The following HCN1 variants were observed in gnomAD, a reference collection of about 807,000 sequenced individuals.
The protein encoded by HCN1 is hyperpolarization activated cyclic nucleotide gated potassium channel 1, also known as potassium/sodium hyperpolarization-activated cyclic nucleotide-gated channel 1.
HCN1 carries 13 observed loss-of-function variants against 78.9 expected under a neutral mutation model. That is an observed-to-expected ratio of 0.16 (90% CI 0.11 to 0.26). The LOEUF is 0.26. HCN1 is among the 10% of genes least tolerant of loss of function. The pLI, the probability that HCN1 is intolerant of heterozygous loss-of-function variation, is 1.00. For synonymous variants in HCN1, 552 were observed against 455.5 expected (o/e 1.21, Z -2.70); for missense variants, 810 against 1,154.3 (o/e 0.70, Z 4.32).
intron 4 of HCN1, among the ~76,000 whole-genome samples, chr5:45,371,347 TG>T (rs1213636638): frequency 1.5e-4 from 23 of 151,784 alleles, no homozygotes; most frequent in Admixed American, 4.0e-4. Flanking sequence ...GTTGGTTCCT[TG>T]AAAAAATTAA....
chr5:45,632,889 G>A (rs746016221), intron 2 of HCN1, among the ~76,000 whole-genome samples: 2 of 152,000 alleles, frequency 1.3e-5, no homozygotes, highest in Admixed American at 1.3e-4. Context: ...GACAAGTGAA[G>A]CATTTTGAAT....
At chr5:45,371,433 A>G (rs1747355454) in intron 4 of HCN1, among the ~76,000 whole-genome samples, 1 of 151,842 alleles carries the variant, frequency 6.6e-6, no homozygotes, top group African/African-American at 2.4e-5. Context: ...TTCAACAATG[A>G]CAAAGGGGAT....
intron 2 of HCN1, among the ~76,000 whole-genome samples, chr5:45,469,522 T>C (rs1415148723): frequency 2.0e-5 from 3 of 152,034 alleles, no homozygotes; most frequent in Admixed American, 1.3e-4. Context: ...ACATATCTTA[T>C]GATGGATCTT....
At chr5:45,322,023 G>T (rs963031950) in intron 5 of HCN1, among the ~76,000 whole-genome samples, 2 of 151,842 alleles carry the variant, frequency 1.3e-5, no homozygotes, top group Non-Finnish European at 2.9e-5. Flanking sequence ...AAACAAATGA[G>T]ATCTTGAGGC....
chr5:45,599,940 GACA>G (rs1244868484), intron 2 of HCN1, among the ~76,000 whole-genome samples: 1 of 151,914 alleles, frequency 6.6e-6, no homozygotes, highest in African/African-American at 2.4e-5. Context: ...ACCACACAGA[GACA>G]ACAAGCTTAG....
intron 1 of HCN1, among the ~76,000 whole-genome samples, chr5:45,658,580 C>A (rs1745838489): frequency 6.6e-6 from 1 of 151,908 alleles, no homozygotes; most frequent in Non-Finnish European, 1.5e-5. Flanking sequence ...ACAGTGGGCG[C>A]AGGCCAGTGT....
chr5:45,570,653 A>G (rs1474364099), intron 2 of HCN1, among the ~76,000 whole-genome samples: 2 of 152,178 alleles, frequency 1.3e-5, no homozygotes, highest in Non-Finnish European at 1.5e-5. Flanking sequence ...TTTAAACTGG[A>G]TAGTTGATCT....
At chr5:45,291,122 C>A (rs143168665) in intron 6 of HCN1, among the ~76,000 whole-genome samples, 20 of 152,066 alleles carry the variant, frequency 1.3e-4, no homozygotes, top group African/African-American at 4.8e-4. Flanking sequence ...TTTGTTATCA[C>A]CAATAGCTTA....
intron 1 of HCN1, among the ~76,000 whole-genome samples, chr5:45,651,255 GA>G (rs1396015486): frequency 6.6e-6 from 1 of 151,762 alleles, no homozygotes; most frequent in Admixed American, 6.6e-5. Context: ...AAATGCTTTT[GA>G]TAACTTCTCA....
intron 4 of HCN1, among the ~76,000 whole-genome samples, chr5:45,383,825 A>G (rs184953834): frequency 6.6e-6 from 1 of 152,148 alleles, no homozygotes; most frequent in Non-Finnish European, 1.5e-5. Flanking sequence ...TTTTTTCCAC[A>G]ATATTTTAAT....
chr5:45,320,062 A>G (rs1229465815), intron 5 of HCN1, among the ~76,000 whole-genome samples: 1 of 151,874 alleles, frequency 6.6e-6, no homozygotes, highest in Non-Finnish European at 1.5e-5. Flanking sequence ...TCATAGAGTA[A>G]TCTTAACAAA....
chr5:45,392,478 C>T (rs143471474), intron 4 of HCN1, among the ~76,000 whole-genome samples: 9 of 152,116 alleles, frequency 5.9e-5, no homozygotes, highest in Non-Finnish European at 1.0e-4. Context: ...ACATATTACT[C>T]CTTTGTATAG....
At chr5:45,612,442 G>A (rs922944697) in intron 2 of HCN1, among the ~76,000 whole-genome samples, 3 of 152,082 alleles carry the variant, frequency 2.0e-5, no homozygotes, top group Non-Finnish European at 4.4e-5. Flanking sequence ...CATTTATAAT[G>A]ACAGCCAACA....
At chr5:45,334,996 G>A (rs1241161861) in intron 5 of HCN1, among the ~76,000 whole-genome samples, 2 of 151,840 alleles carry the variant, frequency 1.3e-5, no homozygotes, top group African/African-American at 4.8e-5. Context: ...CTATCTATTC[G>A]ACAAATTAAA....
chr5:45,655,161 C>G (rs1420808139), intron 1 of HCN1, among the ~76,000 whole-genome samples: 2 of 151,968 alleles, frequency 1.3e-5, no homozygotes, highest in African/African-American at 4.8e-5. Flanking sequence ...GTTAATGATT[C>G]TGATTTCTGG....
At chr5:45,492,530 T>G (rs1741909724) in intron 2 of HCN1, among the ~76,000 whole-genome samples, 1 of 145,168 alleles carries the variant, frequency 6.9e-6, no homozygotes, top group African/African-American at 2.5e-5. Flanking sequence ...TTTTTTTTTT[T>G]TTTTTTTGAG....
chr5:45,407,499 A>G (rs1739947167), intron 3 of HCN1, among the ~76,000 whole-genome samples: 1 of 152,070 alleles, frequency 6.6e-6, no homozygotes, highest in Non-Finnish European at 1.5e-5. Flanking sequence ...TATGTTCTTC[A>G]GGAGGCATCG....
intron 5 of HCN1, among the ~76,000 whole-genome samples, chr5:45,310,469 C>A (rs1745828115): frequency 6.6e-6 from 1 of 152,016 alleles, no homozygotes; most frequent in Non-Finnish European, 1.5e-5. Flanking sequence ...AATGATATAC[C>A]ATCTCACATC....
intron 6 of HCN1, among the ~76,000 whole-genome samples, chr5:45,292,034 A>T (rs946389977): frequency 6.6e-6 from 1 of 152,014 alleles, no homozygotes; most frequent in Non-Finnish European, 1.5e-5. Context: ...TTAGAATACT[A>T]TGTGGAATAC....
Sources: allele counts gnomAD v4.1 joint callset (sites outside exome capture counted in the v4.1 genomes callset), GRCh38; gene constraint gnomAD v4.1.1; transcripts MANE v1.5; gene names NCBI Gene and HGNC (gene_info 2026-07-23, HGNC 2026-07-21).